RBFOX1: variants seen among roughly 807,000 people sequenced by gnomAD.
The protein encoded by RBFOX1 is RNA binding fox-1 homolog 1.
RBFOX1 carries 8 observed loss-of-function variants against 57.7 expected under a neutral mutation model. The observed-to-expected ratio is 0.14, with a 90% CI of 0.08 to 0.25. The LOEUF is 0.25. Among genes scored for constraint, RBFOX1 ranks in the 10% least tolerant of loss-of-function variants. The pLI is 1.00. For synonymous variants in RBFOX1, 326 were observed against 222.4 expected, an observed-to-expected ratio of 1.47 and a Z score of -4.15; for missense variants, 611 against 548.5, an observed-to-expected ratio of 1.11 and a Z score of -1.14.
At position 7,567,251 on chromosome 16, in the gene RBFOX1, C is replaced by CTA. The variant is rs373566639; in HGVS notation, c.271-12514_271-12513dup. Among the ~76,000 whole-genome samples the CTA allele has an allele frequency of 5.0e-3, 368 of 73,996 alleles. 13 individuals carry two copies. The highest frequency in any genetic ancestry group is 0.021 in the African/African-American group (347 of 16,402). The allele number at this position is 73,996 out of a possible 152,430, so 48.5% of individuals were successfully genotyped here. A position where few individuals can be genotyped will look rare whatever the true frequency, so the allele number is the denominator to read the frequency against. ...TCCCTATATATATATCCATATATCC[C>CTA]TATATATATATATCCCTATATATAT... is the stretch of plus-strand genomic sequence containing the variant. On this transcript the variant is annotated intron_variant, in intron 5 of 15. Coordinates refer to ENST00000550418, the MANE Select transcript of RBFOX1 (RefSeq NM_018723.4).
intron 1 of RBFOX1, among the ~76,000 whole-genome samples, chr16:5,348,677 T>C (rs555535030): frequency 3.3e-5 from 5 of 152,316 alleles, no homozygotes; most frequent in African/African-American, 1.2e-4. Flanking sequence ...GCTCTCAATT[T>C]ATGTGTTTAG....
chr16:5,852,941 T>A (rs538362447), intron 3 of RBFOX1, among the ~76,000 whole-genome samples: 153 of 152,272 alleles, frequency 1.0e-3, no homozygotes, highest in African/African-American at 3.4e-3. Flanking sequence ...CTAGGGCCCC[T>A]TTGCCTGTGC....
chr16:7,030,742 G>A (rs759482731), intron 3 of RBFOX1, among the ~76,000 whole-genome samples: 1 of 152,178 alleles, frequency 6.6e-6, no homozygotes, highest in Non-Finnish European at 1.5e-5. Flanking sequence ...TGAATTTGAA[G>A]AGACACTATT....
At chr16:6,497,954 G>C (rs1226858007) in intron 2 of RBFOX1, among the ~76,000 whole-genome samples, 7 of 152,106 alleles carry the variant, frequency 4.6e-5, no homozygotes, top group Admixed American at 6.5e-5. Context: ...CATGTCAAAA[G>C]ATGACAATTC....
At chr16:6,852,458 G>A (rs1340098928) in intron 3 of RBFOX1, among the ~76,000 whole-genome samples, 2 of 152,208 alleles carry the variant, frequency 1.3e-5, no homozygotes, top group African/African-American at 4.8e-5. Flanking sequence ...TATCTGAGTG[G>A]CTATTATCTG....
At chr16:6,017,798 G>A (rs994411713), upstream of RBFOX1, among the ~76,000 whole-genome samples, 2 of 152,162 alleles carry the variant, frequency 1.3e-5, no homozygotes, top group African/African-American at 4.8e-5. Context: ...CTCCTTGATG[G>A]GCGCTAGGAA....
intron 3 of RBFOX1, among the ~76,000 whole-genome samples, chr16:5,759,544 T>C (rs958321459): frequency 5.3e-5 from 8 of 152,368 alleles, no homozygotes; most frequent in Non-Finnish European, 2.9e-5. Flanking sequence ...TCTTAATTTC[T>C]GTAGCTCTTT....
chr16:6,823,521 T>G (rs991471062), intron 3 of RBFOX1, among the ~76,000 whole-genome samples: 4 of 152,148 alleles, frequency 2.6e-5, no homozygotes, highest in Non-Finnish European at 5.9e-5. Flanking sequence ...TCTCCCAAAG[T>G]GCTGGTATTA....
At chr16:6,875,851 A>T (rs962065369) in intron 3 of RBFOX1, among the ~76,000 whole-genome samples, 1 of 152,058 alleles carries the variant, frequency 6.6e-6, no homozygotes, top group Non-Finnish European at 1.5e-5. Context: ...CAAAAAAATT[A>T]GCCAGTCATG....
chr16:7,634,611 C>G (rs1421190177), intron 11 of RBFOX1, among the ~76,000 whole-genome samples: 1 of 152,058 alleles, frequency 6.6e-6, no homozygotes, highest in Non-Finnish European at 1.5e-5. Context: ...AACAATGTGA[C>G]CCAGGACTCA....
chr16:7,510,320 TG>T (rs2074683699), intron 4 of RBFOX1: 8 of 985,688 alleles, frequency 8.1e-6, no homozygotes, highest in Non-Finnish European at 9.6e-6. Context: ...CAGGTATTTT[TG>T]TTTTTTTTTC....
intron 3 of RBFOX1, among the ~76,000 whole-genome samples, chr16:6,772,794 G>GTGTATA: frequency 1.3e-5 from 2 of 148,812 alleles, no homozygotes; most frequent in East Asian, 4.1e-4. Flanking sequence ...GCATTTGTGT[G>GTGTATA]CGTATGTGTG....
intron 4 of RBFOX1, among the ~76,000 whole-genome samples, chr16:7,396,611 T>G (rs2148647644): frequency 6.6e-6 from 1 of 152,262 alleles, no homozygotes; most frequent in East Asian, 1.9e-4. Flanking sequence ...CTTTCCTTGG[T>G]TCTGTCAATG....
chr16:5,275,951 A>T (rs1016962033), intron 1 of RBFOX1, among the ~76,000 whole-genome samples: 3 of 152,226 alleles, frequency 2.0e-5, no homozygotes, highest in Admixed American at 2.0e-4. Context: ...ACCCTATTCA[A>T]CAAATAGTGC....
intron 7 of RBFOX1, among the ~76,000 whole-genome samples, chr16:7,592,528 A>G (rs2094495430): frequency 6.6e-6 from 1 of 152,216 alleles, no homozygotes; most frequent in African/African-American, 2.4e-5. Flanking sequence ...TCCAAAGGGC[A>G]GAAATGATAC....
intron 4 of RBFOX1, among the ~76,000 whole-genome samples, chr16:7,082,488 G>T (rs930728192): frequency 5.3e-5 from 8 of 151,702 alleles, no homozygotes; most frequent in African/African-American, 1.7e-4. Context: ...AGGCTGAGAT[G>T]GGAGGATCGC....
chr16:7,390,731 C>G (rs1324337189), intron 4 of RBFOX1, among the ~76,000 whole-genome samples: 2 of 152,054 alleles, frequency 1.3e-5, no homozygotes, highest in Non-Finnish European at 2.9e-5. Context: ...TAAGAACTGA[C>G]AATGCATTTA....
chr16:6,162,794 C>G (rs951488700), intron 1 of RBFOX1, among the ~76,000 whole-genome samples: 2 of 152,142 alleles, frequency 1.3e-5, no homozygotes, highest in African/African-American at 4.8e-5. Flanking sequence ...ACTGTAGTGA[C>G]ATGATCTCGG....
intron 2 of RBFOX1, among the ~76,000 whole-genome samples, chr16:6,638,924 C>A (rs1234044014): frequency 6.6e-6 from 1 of 152,096 alleles, no homozygotes; most frequent in East Asian, 1.9e-4. Context: ...TACCAGGAAG[C>A]AAAATGCCAA....
Sources: allele counts gnomAD v4.1 joint callset (sites outside exome capture counted in the v4.1 genomes callset), GRCh38; gene constraint gnomAD v4.1.1; transcripts MANE v1.5; gene names NCBI Gene and HGNC (gene_info 2026-07-23, HGNC 2026-07-21).